GPC4: variants seen among roughly 807,000 people sequenced by gnomAD.
GPC4 encodes the protein glypican 4.
In GPC4, 10 loss-of-function variants were observed where a neutral mutation model predicts 35.0. The observed-to-expected ratio is 0.29, with a 90% CI of 0.18 to 0.48. The LOEUF (loss-of-function observed/expected upper bound fraction) is 0.48, where lower values mean the gene tolerates loss of function less well. Ranked by LOEUF, GPC4 falls within the 20% of genes least tolerant of loss-of-function variation. The pLI is 0.99. For missense variants in GPC4, 322 were observed against 451.3 expected (o/e 0.71, Z 2.60); for synonymous variants, 167 against 170.2 (o/e 0.98, Z 0.15).
At chrX:133,328,804 T>C (rs542499181) in intron 2 of GPC4, among the ~76,000 whole-genome samples, 7 of 111,352 alleles carry the variant, frequency 6.3e-5, no homozygotes, top group African/African-American at 2.0e-4. Context: ...TCCACAACGA[T>C]CAAAAGCCAA....
chrX:133,408,617 C>A lies in GPC4; in HGVS notation c.160+6189G>T, dbSNP rs1301929956. 2.7e-5 allele frequency among the ~76,000 whole-genome samples: 3 copies of A among 111,274 alleles called. No homozygotes were observed. In the Admixed American group the frequency reaches 2.9e-4, roughly 11 times the overall value. On this transcript the variant is annotated intron_variant, in intron 1 of 8. Transcript: ENST00000370828. ...GGCATGGTGGTGCATGCCTGTAATC[C>A]CAGCTACTCTGGAGGCTGAGGCAGG...
intron 3 of GPC4, among the ~76,000 whole-genome samples, chrX:133,312,405 C>T (rs139301408): frequency 4.5e-5 from 5 of 110,331 alleles, no homozygotes; most frequent in African/African-American, 1.3e-4. Flanking sequence ...CCGAAGTGGG[C>T]GGATCACAAG....
At chrX:133,346,105 T>C (rs1007145708) in intron 1 of GPC4, among the ~76,000 whole-genome samples, 1 of 111,093 alleles carries the variant, frequency 9.0e-6, no homozygotes, top group Non-Finnish European at 1.9e-5. Flanking sequence ...GTTACAAAGT[T>C]ACACTCCTAT....
intron 1 of GPC4, among the ~76,000 whole-genome samples, chrX:133,362,665 A>G (rs1435255761): frequency 8.9e-6 from 1 of 112,104 alleles, no homozygotes; most frequent in Non-Finnish European, 1.9e-5. Context: ...AAAGCTTACA[A>G]TATTGCCAGC....
rs984294868 is a variant in GPC4, at chrX:133,363,168, T to G, written c.161-23827A>C. ...TTAAAATCTTTTATTATTATCATTTTTTAGTTATTTTTAGTGCTTTTGTTT... is the reference window on the plus strand; with the variant it reads ...TTAAAATCTTTTATTATTATCATTTGTTAGTTATTTTTAGTGCTTTTGTTT... On this transcript the variant is annotated intron_variant, in intron 1 of 8. Coordinates refer to ENST00000370828, the MANE Select transcript of GPC4 (RefSeq NM_001448.3). Among the ~76,000 whole-genome samples, 8 of 111,658 alleles carry G rather than the reference T, an allele frequency of 7.2e-5. No individual in the cohort carries two copies. In the South Asian group the frequency reaches 2.3e-3, roughly 32 times the overall value.
intron 3 of GPC4, among the ~76,000 whole-genome samples, chrX:133,311,997 T>G (rs897462099): frequency 1.8e-5 from 2 of 111,787 alleles, no homozygotes; most frequent in African/African-American, 6.5e-5. Context: ...AAGGCAAAGT[T>G]AATATATTCT....
At chrX:133,329,552 G>A (rs780089136) in intron 2 of GPC4, among the ~76,000 whole-genome samples, 2 of 111,568 alleles carry the variant, frequency 1.8e-5, no homozygotes, top group African/African-American at 6.5e-5. Context: ...CTATGAGGGT[G>A]GGAGTGACTG....
In GPC4 at chrX:133,342,780, A is replaced by T. The variant is rs1473823434; in HGVS notation, c.161-3439T>A. ...ATTATAGCTCCATGTTCTGGTAAAAAATCTTTGAAGACTTGAGCAACTAAT... is the reference window on the plus strand; with the variant it reads ...ATTATAGCTCCATGTTCTGGTAAAATATCTTTGAAGACTTGAGCAACTAAT... On this transcript the variant is annotated intron_variant, in intron 1 of 8. Transcript: ENST00000370828. Among the ~76,000 whole-genome samples, 8 of 111,065 alleles carry T rather than the reference A, an allele frequency of 7.2e-5. No homozygotes were observed. In the Admixed American group the frequency reaches 7.6e-4, roughly 11 times the overall value.
rs191623706 is a variant in GPC4, at chrX:133,384,447, T to G, written c.160+30359A>C. Among the ~76,000 whole-genome samples, 31 of 111,490 alleles carry G rather than the reference T, an allele frequency of 2.8e-4. 1 individual carries two copies. Among genetic ancestry groups the G allele is most frequent in the Admixed American group, 2.5e-3 (26 of 10,463 alleles). Reference sequence around the variant, plus strand: ...GAGGAGATGAGAGGAACTTTAGGGTTGCTATAAATGTCTCAGTCTTCGGTT... The same window carrying G: ...GAGGAGATGAGAGGAACTTTAGGGTGGCTATAAATGTCTCAGTCTTCGGTT... On this transcript the variant is annotated intron_variant, in intron 1 of 8. Transcript: ENST00000370828.
At chrX:133,319,264 C>T (rs918616829) in intron 3 of GPC4, among the ~76,000 whole-genome samples, 2 of 107,771 alleles carry the variant, frequency 1.9e-5, no homozygotes, top group Non-Finnish European at 3.8e-5. Flanking sequence ...GGCAACATAA[C>T]GAGACCCCCA....
chrX:133,409,320 T>TAAAAAAAAA (rs36008423), intron 1 of GPC4, among the ~76,000 whole-genome samples: 1 of 31,800 alleles, frequency 3.1e-5, no homozygotes, highest in Admixed American at 7.3e-4. Context: ...GACCCTGCCT[T>TAAAAAAAAA]AAAAAAAAAA....
At chrX:133,315,789 G>GT (rs1192462645) in intron 3 of GPC4, among the ~76,000 whole-genome samples, 4 of 111,383 alleles carry the variant, frequency 3.6e-5, no homozygotes, top group East Asian at 2.8e-4. Context: ...CATTTGATAT[G>GT]TTTTTTTCTT....
chrX:133,411,504 G>C (rs2068812846), intron 1 of GPC4, among the ~76,000 whole-genome samples: 1 of 111,583 alleles, frequency 9.0e-6, no homozygotes, highest in Non-Finnish European at 1.9e-5. Context: ...ATATTCTATA[G>C]TATTAGAGTC....
At chrX:133,364,817 C>T (rs1330879974) in intron 1 of GPC4, among the ~76,000 whole-genome samples, 1 of 112,268 alleles carries the variant, frequency 8.9e-6, no homozygotes, top group African/African-American at 3.2e-5. Context: ...TCTAAGAATA[C>T]TCACTGTTCC....
At chrX:133,305,668 C>A (rs1304747624) in intron 6 of GPC4, 104 bp downstream of exon 6, 14 of 1,022,161 alleles carry the variant, frequency 1.4e-5, no homozygotes, top group Non-Finnish European at 1.7e-5. Context: ...AAAAGTGACA[C>A]CTGAAAGACC....
At chrX:133,327,280 C>T (rs2068398418) in intron 2 of GPC4, among the ~76,000 whole-genome samples, 1 of 111,380 alleles carries the variant, frequency 9.0e-6, no homozygotes, top group Admixed American at 9.6e-5. Flanking sequence ...AGGAACGTCA[C>T]CTAGAGTCAT....
At chrX:133,353,195 A>C (rs2266807) in intron 1 of GPC4, among the ~76,000 whole-genome samples, 51,970 of 110,387 alleles carry the variant, frequency 0.47, 11,263 homozygotes, top group African/African-American at 0.85. Context: ...AGTGTCCTGG[A>C]CTTCTTTACT....
chrX:133,307,416 C>T (rs1292643362), intron 4 of GPC4, among the ~76,000 whole-genome samples: 2 of 112,257 alleles, frequency 1.8e-5, no homozygotes, highest in East Asian at 5.6e-4. Flanking sequence ...TTTCTCTAAA[C>T]TACAATTCCG....
intron 3 of GPC4, among the ~76,000 whole-genome samples, chrX:133,322,890 G>A (rs995095644): frequency 1.8e-5 from 2 of 111,728 alleles, no homozygotes; most frequent in Non-Finnish European, 3.8e-5. Flanking sequence ...AGATCACTTT[G>A]CCCCAGTATA....
Sources: allele counts gnomAD v4.1 joint callset (sites outside exome capture counted in the v4.1 genomes callset), GRCh38; gene constraint gnomAD v4.1.1; transcripts MANE v1.5; gene names NCBI Gene and HGNC (gene_info 2026-07-23, HGNC 2026-07-21).